CCNY: variants seen among roughly 807,000 people sequenced by gnomAD.
CCNY encodes cyclin Y.
A neutral mutation model predicts 42.8 loss-of-function variants in CCNY; 19 were observed. The observed-to-expected ratio is 0.44, with a 90% CI of 0.31 to 0.65. The LOEUF is 0.65. Among genes scored for constraint, CCNY ranks in the 30% least tolerant of loss-of-function variants. CCNY has a pLI of 0.07. For missense variants in CCNY, 370 were observed against 437.3 expected, an observed-to-expected ratio of 0.85 and a Z score of 1.37; for synonymous variants, 165 against 162.7, an observed-to-expected ratio of 1.01 and a Z score of -0.11.
intron 7 of CCNY, among the ~76,000 whole-genome samples, chr10:35,547,906 A>T (rs1388050098): frequency 6.6e-6 from 1 of 152,038 alleles, no homozygotes; most frequent in Non-Finnish European, 1.5e-5. Context: ...TCACCCAACT[A>T]ATTTGGGAAG....
chr10:35,402,212 T>G (rs1837660369), intron 1 of CCNY, among the ~76,000 whole-genome samples: 1 of 152,032 alleles, frequency 6.6e-6, no homozygotes, highest in Non-Finnish European at 1.5e-5. Context: ...GGGGTGATAT[T>G]GTGGGGTTGT....
intron 1 of CCNY, chr10:35,347,281 A>G: frequency 5.5e-6 from 1 of 181,992 alleles, no homozygotes; most frequent in Non-Finnish European, 1.0e-5. Context: ...ACTGAGAGAA[A>G]TACAGCTGGG....
chr10:35,480,232 A>G (rs991500742), intron 1 of CCNY, among the ~76,000 whole-genome samples: 5 of 152,148 alleles, frequency 3.3e-5, no homozygotes, highest in African/African-American at 1.2e-4. Flanking sequence ...CATTCTTGTC[A>G]GACTTAGAGT....
At chr10:35,565,895 T>G in intron 8 of CCNY, 128 bp from the exon 9 acceptor site, 1 of 908,490 alleles carries the variant, frequency 1.1e-6, no homozygotes, top group Non-Finnish European at 1.7e-6. Context: ...AACCAGACAT[T>G]TACTTAGATC....
rs1171291248 is a variant in CCNY, at chr10:35,483,449, C to T, written c.200C>T (p.Thr67Ile). 6.2e-7 allele frequency: 1 copy of T among 1,608,336 alleles called. No individual in the cohort carries two copies. The highest frequency in any genetic ancestry group is 8.5e-7 in the Non-Finnish European group (1 of 1,176,066). The change falls in exon 2 of 10, where the codon ACA becomes ATA. Residue 67 changes from threonine to isoleucine, a missense_variant. Thr to Ile is a moderately conservative substitution (Grantham distance 89, BLOSUM62 -1). This residue lies in a region of CCNY where 136 missense variants were observed against 124.2 expected (regional missense o/e 1.09). Coordinates refer to ENST00000374704, the MANE Select transcript of CCNY (RefSeq NM_145012.6). Reference sequence around the variant, plus strand: ...CCTTCAGATCATCCTCGGGCCAGCACAATATTCCTCAGTAAATCTCAGACG... The same window carrying T: ...CCTTCAGATCATCCTCGGGCCAGCATAATATTCCTCAGTAAATCTCAGACG... The part of the protein sequence containing the change: ...FNPSDHPRAS[T>I]IFLSKSQTDV...
At chr10:35,275,346 G>A (rs966830150) in intron 3 of CCNY, among the ~76,000 whole-genome samples, 10 of 151,840 alleles carry the variant, frequency 6.6e-5, no homozygotes, top group Admixed American at 3.9e-4. Context: ...GATTATGTGC[G>A]TGAGCCACTG....
upstream of CCNY, among the ~76,000 whole-genome samples, chr10:35,335,066 AC>A (rs1211875167): frequency 2.0e-5 from 1 of 49,694 alleles, no homozygotes; most frequent in Non-Finnish European, 4.4e-5. Flanking sequence ...TCCCACCCCC[AC>A]CCCCCCACCC....
intron 1 of CCNY, among the ~76,000 whole-genome samples, chr10:35,451,163 C>T (rs1838907108): frequency 6.6e-6 from 1 of 152,172 alleles, no homozygotes; most frequent in African/African-American, 2.4e-5. Context: ...ATAAGTACTT[C>T]AAGAAGACCC....
intron 2 of CCNY, among the ~76,000 whole-genome samples, chr10:35,493,387 AC>A (rs1160932672): frequency 1.3e-5 from 2 of 152,126 alleles, no homozygotes; most frequent in African/African-American, 4.8e-5. Flanking sequence ...CCATAAACTT[AC>A]TTTTCAATTC....
At chr10:35,473,979 C>A (rs1839445773) in intron 1 of CCNY, among the ~76,000 whole-genome samples, 1 of 152,220 alleles carries the variant, frequency 6.6e-6, no homozygotes, top group East Asian at 1.9e-4. Flanking sequence ...CATTGCCTCA[C>A]TCGGGAAGCG....
At chr10:35,349,062 A>G (rs1836371389) in intron 1 of CCNY, among the ~76,000 whole-genome samples, 1 of 152,118 alleles carries the variant, frequency 6.6e-6, no homozygotes, top group Non-Finnish European at 1.5e-5. Context: ...GGGATGTAAA[A>G]TAGAGGGCCG....
At chr10:35,381,431 C>T (rs1446222834) in intron 1 of CCNY, among the ~76,000 whole-genome samples, 2 of 151,878 alleles carry the variant, frequency 1.3e-5, no homozygotes, top group East Asian at 1.9e-4. Flanking sequence ...TGTGGTGGCA[C>T]GTGCCTGTAA....
chr10:35,541,170 A>G (rs1423106150), intron 7 of CCNY, among the ~76,000 whole-genome samples: 1 of 152,022 alleles, frequency 6.6e-6, no homozygotes, highest in East Asian at 1.9e-4. Context: ...GTTGCATTGC[A>G]TAAATTTTGC....
intron 3 of CCNY, among the ~76,000 whole-genome samples, chr10:35,319,576 T>C (rs1835798317): frequency 6.6e-6 from 1 of 152,096 alleles, no homozygotes; most frequent in Non-Finnish European, 1.5e-5. Flanking sequence ...CCATAGTGAT[T>C]CAAGAAACTA....
intron 1 of CCNY, among the ~76,000 whole-genome samples, chr10:35,395,522 G>A (rs1232033665): frequency 1.3e-5 from 2 of 152,098 alleles, no homozygotes; most frequent in South Asian, 2.1e-4. Flanking sequence ...AGAATCAGAT[G>A]TCACCTGGGG....
At chr10:35,447,627 T>C (rs1292994439) in intron 1 of CCNY, among the ~76,000 whole-genome samples, 1 of 152,218 alleles carries the variant, frequency 6.6e-6, no homozygotes, top group Non-Finnish European at 1.5e-5. Context: ...AGGTGTTGTT[T>C]AGTAGCAGTG....
chr10:35,430,727 C>T (rs1210947978), intron 1 of CCNY, among the ~76,000 whole-genome samples: 2 of 152,120 alleles, frequency 1.3e-5, no homozygotes, highest in Non-Finnish European at 2.9e-5. Flanking sequence ...TTTCTTTGCT[C>T]ATGTGTATCA....
intron 2 of CCNY, among the ~76,000 whole-genome samples, chr10:35,484,684 T>C (rs1839746294): frequency 6.6e-6 from 1 of 151,926 alleles, no homozygotes; most frequent in Admixed American, 6.6e-5. Flanking sequence ...TTTGGAACCA[T>C]GAAAAAAGAG....
intron 1 of CCNY, among the ~76,000 whole-genome samples, chr10:35,348,012 C>T (rs1174138260): frequency 2.6e-5 from 4 of 152,198 alleles, no homozygotes; most frequent in Non-Finnish European, 5.9e-5. Context: ...CTTTCATTTA[C>T]AGTGAGTGTT....
Sources: gnomAD v4.1 joint callset for allele counts (sites outside exome capture counted in the v4.1 genomes callset) on GRCh38, gnomAD v4.1.1 for gene constraint, gnomAD v4.1.1 regional missense constraint, MANE v1.5 for transcripts, NCBI Gene and HGNC (gene_info 2026-07-23, HGNC 2026-07-21) for gene names.